SACM1L: variants seen among roughly 807,000 people sequenced by gnomAD.
SACM1L encodes the protein phosphatidylinositol-3-phosphatase SAC1.
Under a neutral mutation model 89.5 loss-of-function variants are expected in SACM1L, and 32 were observed. That is an observed-to-expected ratio of 0.36 (90% CI 0.27 to 0.48). SACM1L has a LOEUF of 0.48. SACM1L is among the 20% of genes least tolerant of loss of function. The pLI, the probability that SACM1L is intolerant of heterozygous loss-of-function variation, is 0.99. For missense variants in SACM1L, 543 were observed against 708.5 expected (o/e 0.77, Z 2.65); for synonymous variants, 213 against 232.8 (o/e 0.92, Z 0.77).
At position 45,719,534 on chromosome 3, in the gene SACM1L, A is replaced by G. The variant is rs749926793; in HGVS notation, c.612A>G (p.Lys204=). The G allele has an allele frequency of 1.2e-6, 2 of 1,611,654 alleles. No homozygotes were observed. Among genetic ancestry groups the G allele is most frequent in the Admixed American group, 3.4e-5 (2 of 59,638 alleles). Residue 204 remains lysine, a synonymous_variant, in exon 8 of 20, where the codon AAA becomes AAG. Transcript: ENST00000389061. ...TGCATTCATGTTCTATTAATGGAAA[A>G]TACTTTGATTGGATTCTCATCTCGA... ...ITMHSCSING[K]YFDWILISRR...
intron 5 of SACM1L, among the ~76,000 whole-genome samples, chr3:45,709,968 T>C (rs1428623989): frequency 3.9e-5 from 6 of 152,222 alleles, no homozygotes; most frequent in Admixed American, 2.6e-4. Flanking sequence ...TACCAAGTGC[T>C]AACTCTCAGA....
chr3:45,740,918 C>T (rs1300079394), intron 19 of SACM1L, among the ~76,000 whole-genome samples: 1 of 152,036 alleles, frequency 6.6e-6, no homozygotes, highest in Non-Finnish European at 1.5e-5. Flanking sequence ...AGTAAAATTG[C>T]CTGAGAACCT....
At chr3:45,714,858 C>G (rs2673033) in intron 7 of SACM1L, among the ~76,000 whole-genome samples, 77,308 of 152,048 alleles carry the variant, frequency 0.51, 20,073 homozygotes, top group Middle Eastern at 0.59. Flanking sequence ...ACAATATGCT[C>G]ATGAGTGCCT....
chr3:45,709,299 A>G (rs1698468455), intron 4 of SACM1L, among the ~76,000 whole-genome samples, 199 bp from the exon 5 acceptor site: 1 of 152,212 alleles, frequency 6.6e-6, no homozygotes, highest in Non-Finnish European at 1.5e-5. Flanking sequence ...AGTACCCTAC[A>G]GTGTTTATTG....
chr3:45,719,740 ATAAT>A, intron 8 of SACM1L, 139 bp downstream of exon 8: 1 of 536,826 alleles, frequency 1.9e-6, no homozygotes, highest in Middle Eastern at 3.1e-4. Context: ...CTTCATTGTA[ATAAT>A]TAGGTAGGTC....
intron 19 of SACM1L, chr3:45,740,009 G>T: frequency 4.4e-6 from 1 of 229,156 alleles, no homozygotes. Context: ...TTCCAAAGAG[G>T]GTTTTAAGGA....
At chr3:45,704,312 GGTGAA>G (rs761090232) in intron 2 of SACM1L, among the ~76,000 whole-genome samples, 11 of 152,088 alleles carry the variant, frequency 7.2e-5, no homozygotes, top group African/African-American at 1.9e-4. Context: ...CCTTTGAGTG[GGTGAA>G]GTGAAGTACG....
rs201552459 is a variant in SACM1L, at chr3:45,735,212, G to T, written c.1101-23G>T. On this transcript the variant is annotated intron_variant, in intron 13 of 19. Transcript: ENST00000389061. The stretch of plus-strand genomic sequence containing the variant: ...AAATCTGACCTACTTTGGTATGAGA[G>T]TGTTTATACAAATATGTTTTAGTTA... The T allele has an allele frequency of 1.9e-6, 3 of 1,593,120 alleles. 1 individual carries two copies. The Admixed American group carries it at 5.5e-5, about 29-fold the overall frequency.
At chr3:45,697,534 C>T (rs1178589356) in intron 1 of SACM1L, among the ~76,000 whole-genome samples, 1 of 152,150 alleles carries the variant, frequency 6.6e-6, no homozygotes, top group Admixed American at 6.5e-5. Flanking sequence ...GCCTCAGCCT[C>T]CCAAAGTGCT....
intron 1 of SACM1L, chr3:45,690,428 C>T (rs2742418): frequency 0.48 from 72,959 of 151,608 alleles, 18,027 homozygotes; most frequent in Middle Eastern, 0.57. Context: ...CTTATCTATC[C>T]CTGTATATGA....
intron 1 of SACM1L, among the ~76,000 whole-genome samples, chr3:45,691,599 T>G (rs11707209): frequency 2.1e-4 from 12 of 56,482 alleles, no homozygotes; most frequent in African/African-American, 7.2e-4. Flanking sequence ...GAAATGCTTG[T>G]TTTTTTTTTC....
At chr3:45,725,718 AACT>A (rs1698903721) in intron 11 of SACM1L, among the ~76,000 whole-genome samples, 1 of 151,560 alleles carries the variant, frequency 6.6e-6, no homozygotes, top group Non-Finnish European at 1.5e-5. Context: ...GTGTTGCTAG[AACT>A]ACTAATACTA....
Position 45,743,845 on chromosome 3 carries a change from T to G in SACM1L, c.*176T>G. On this transcript the variant is annotated 3_prime_UTR_variant, in exon 20 of 20. Coordinates refer to ENST00000389061, the MANE Select transcript of SACM1L (RefSeq NM_014016.5). ...TGATCTGATGTTACTGCCTTGATGGTCTCTTTACTATTGGGACAGTTAGAT... is the reference window on the plus strand; with the variant it reads ...TGATCTGATGTTACTGCCTTGATGGGCTCTTTACTATTGGGACAGTTAGAT... 1.9e-6 allele frequency: 1 copy of G among 529,576 alleles called. No individual in the cohort carries two copies. The highest frequency in any genetic ancestry group is 3.2e-6 in the Non-Finnish European group (1 of 313,158). 32.8% of individuals were successfully genotyped at this position (529,576 alleles called of 1,614,324 possible). A position where few individuals can be genotyped will look rare whatever the true frequency, so the allele number is the denominator to read the frequency against.
intron 3 of SACM1L, 74 bp from the exon 4 acceptor site, chr3:45,706,706 A>G: frequency 7.7e-7 from 1 of 1,302,568 alleles, no homozygotes; most frequent in Non-Finnish European, 1.1e-6. Context: ...TTAAAGTTAA[A>G]CAATAAGGAC....
At chr3:45,736,108 A>T (rs553804818) in intron 14 of SACM1L, among the ~76,000 whole-genome samples, 1 of 152,142 alleles carries the variant, frequency 6.6e-6, no homozygotes, top group Non-Finnish European at 1.5e-5. Flanking sequence ...GGGCTCAAGC[A>T]GTCTACCTGC....
intron 7 of SACM1L, among the ~76,000 whole-genome samples, chr3:45,716,045 A>G (rs1474682770): frequency 2.0e-5 from 3 of 152,174 alleles, no homozygotes; most frequent in East Asian, 3.9e-4. Context: ...GACATTAATA[A>G]GTAAAATGAC....
intron 19 of SACM1L, chr3:45,740,041 G>C (rs1472505125): frequency 2.1e-5 from 4 of 192,730 alleles, no homozygotes; most frequent in Non-Finnish European, 4.3e-5. Context: ...AATGGGGAAA[G>C]AGTGTACAGG....
rs1307131587 is a variant in SACM1L at position 45,744,608 on chromosome 3, T to TCTGTCAAGGATTTTGTTGG, written c.*942_*960dup. On this transcript the variant is annotated 3_prime_UTR_variant, in exon 20 of 20. Transcript: ENST00000389061. ...GCATGGTACTCTTGATGTTTTTCACTCTGTCAAGGATTTTGTTGGCTATCA... is the reference window on the plus strand; with the variant it reads ...GCATGGTACTCTTGATGTTTTTCACTCTGTCAAGGATTTTGTTGGCTGTCAAGGATTTTGTTGGCTATCA... 1 of 152,640 alleles carries TCTGTCAAGGATTTTGTTGG rather than the reference T, an allele frequency of 6.6e-6. No homozygotes were observed. Among genetic ancestry groups the TCTGTCAAGGATTTTGTTGG allele is most frequent in the Non-Finnish European group, 1.5e-5 (1 of 68,046 alleles). The allele number at this position is 152,640 out of a possible 1,614,324, so 9.5% of individuals were successfully genotyped here. A position where few individuals can be genotyped will look rare whatever the true frequency, so the allele number is the denominator to read the frequency against.
At chr3:45,705,089 G>A in intron 2 of SACM1L, 46 bp from the exon 3 acceptor site, 1 of 1,259,170 alleles carries the variant, frequency 7.9e-7, no homozygotes, top group Non-Finnish European at 1.1e-6. Context: ...GTTTCTGTTG[G>A]TGAGCTTTTT....
Sources: allele counts gnomAD v4.1 joint callset (sites outside exome capture counted in the v4.1 genomes callset), GRCh38; gene constraint gnomAD v4.1.1; transcripts MANE v1.5; gene names NCBI Gene and HGNC (gene_info 2026-07-23, HGNC 2026-07-21).